The following DUSP22 variants were observed in gnomAD, a reference collection of about 807,000 sequenced individuals.
The protein encoded by DUSP22 is dual specificity phosphatase 22.
DUSP22 carries 24 observed loss-of-function variants against 24.5 expected under a neutral mutation model. The observed-to-expected ratio is 0.98, with a 90% CI of 0.71 to 1.38. DUSP22 has a LOEUF of 1.38. DUSP22 is among the 40% of genes most tolerant of loss of function. DUSP22 has a pLI of 0.00. For missense variants in DUSP22, 330 were observed against 269.2 expected, an observed-to-expected ratio of 1.23 and a Z score of -1.58; for synonymous variants, 160 against 106.4, an observed-to-expected ratio of 1.50 and a Z score of -3.10.
At chr6:303,668 G>A (rs1035240196) in intron 1 of DUSP22, among the ~76,000 whole-genome samples, 7 of 152,306 alleles carry the variant, frequency 4.6e-5, no homozygotes, top group East Asian at 3.8e-4. Context: ...CTTGGAAATC[G>A]TGGCAAGTGA....
intron 2 of DUSP22, among the ~76,000 whole-genome samples, chr6:305,440 A>G (rs1389618922): frequency 3.3e-5 from 5 of 152,306 alleles, no homozygotes; most frequent in South Asian, 2.1e-4. Context: ...TTTAGTTACT[A>G]TTGAGAAATT....
chr6:349,449 G>A lies in DUSP22; in HGVS notation c.*498G>A. 1 of 1,005,992 alleles carries A rather than the reference G, an allele frequency of 9.9e-7. No individual in the cohort carries two copies. The highest frequency in any genetic ancestry group is 1.7e-5 in the African/African-American group (1 of 57,854). 62.3% of individuals were successfully genotyped at this position (1,005,992 alleles called of 1,614,324 possible). On this transcript the variant is annotated 3_prime_UTR_variant, in exon 7 of 7. Coordinates refer to ENST00000419235, the MANE Select transcript of DUSP22 (RefSeq NM_001286555.3). ...AAGACTCCACATGGAAGGCATTTGA[G>A]CTCGACCTCCGAAAAGCTACCCAGC...
rs1324004901 is a variant in DUSP22, at chr6:349,812, T to C, written c.*861T>C. 2.0e-6 allele frequency: 2 copies of C among 985,804 alleles called. No homozygotes were observed. The highest frequency in any genetic ancestry group is 3.5e-5 in the African/African-American group (2 of 57,282). The allele number at this position is 985,804 out of a possible 1,614,324, so 61.1% of individuals were successfully genotyped here. ...TGAGTTCTACTTGGTGTTTGTTCTC[T>C]GGAGCTGATTGCACTTGAGCTCTGT... On this transcript the variant is annotated 3_prime_UTR_variant, in exon 7 of 7. Transcript: ENST00000419235.
chr6:332,095 A>G (rs1176224613), intron 3 of DUSP22, among the ~76,000 whole-genome samples: 1 of 152,298 alleles, frequency 6.6e-6, no homozygotes, highest in African/African-American at 2.4e-5. Context: ...CATTGTTCTC[A>G]TCCTCTGTCT....
chr6:315,183 A>C (rs1257452442), intron 3 of DUSP22, among the ~76,000 whole-genome samples: 1 of 152,304 alleles, frequency 6.6e-6, no homozygotes, highest in Non-Finnish European at 1.5e-5. Context: ...ACCTTCCAGA[A>C]TGAAGATCTT....
intron 3 of DUSP22, among the ~76,000 whole-genome samples, chr6:317,996 G>C (rs1218961175): frequency 6.6e-6 from 1 of 152,306 alleles, no homozygotes; most frequent in East Asian, 1.9e-4. Flanking sequence ...TGTGAAGCCA[G>C]AGGATCGGTT....
intron 3 of DUSP22, among the ~76,000 whole-genome samples, chr6:322,838 G>T (rs3778600): frequency 0.1 from 15,311 of 147,590 alleles, 213 homozygotes; most frequent in East Asian, 0.32. Flanking sequence ...GGTGGGGCGG[G>T]GGGGGGCCTT....
intron 1 of DUSP22, among the ~76,000 whole-genome samples, chr6:295,885 C>G (rs1283794740): frequency 1.3e-5 from 2 of 152,100 alleles, no homozygotes; most frequent in African/African-American, 4.8e-5. Context: ...TCACGGTAGC[C>G]CTATGAGGTC....
chr6:348,136 G>C lies in DUSP22; in HGVS notation c.297G>C (p.Val99=). The change falls in exon 6 of 7, where the codon GTG becomes GTC. Residue 99 remains valine (V), a synonymous_variant. Coordinates refer to ENST00000419235, the MANE Select transcript of DUSP22 (RefSeq NM_001286555.3). ...GGGTCTCCAGGAGCGTGACACTGGTGATCGCATACATCATGACCGTCACTG... is the reference window on the plus strand; with the variant it reads ...GGGTCTCCAGGAGCGTGACACTGGTCATCGCATACATCATGACCGTCACTG... The part of the protein sequence containing the change: ...LAGVSRSVTL[V]IAYIMTVTDF... 1 of 1,614,296 alleles carries C rather than the reference G, an allele frequency of 6.2e-7. No homozygotes were observed.
At chr6:343,173 C>T (rs1299650723) in intron 4 of DUSP22, among the ~76,000 whole-genome samples, 1 of 152,308 alleles carries the variant, frequency 6.6e-6, no homozygotes, top group Non-Finnish European at 1.5e-5. Flanking sequence ...CACCTTATTA[C>T]ATCTGGGTGC....
intron 3 of DUSP22, among the ~76,000 whole-genome samples, chr6:333,595 A>G (rs1329406730): frequency 6.6e-6 from 1 of 152,306 alleles, no homozygotes; most frequent in Non-Finnish European, 1.5e-5. Context: ...AGCAGGAAAC[A>G]GCTTTTACTA....
At chr6:338,941 T>C (rs1759478420) in intron 4 of DUSP22, among the ~76,000 whole-genome samples, 1 of 152,310 alleles carries the variant, frequency 6.6e-6, no homozygotes. Context: ...GCCTCTATCC[T>C]CTCAAATCTC....
intron 2 of DUSP22, among the ~76,000 whole-genome samples, chr6:310,554 T>C (rs956811519): frequency 3.9e-5 from 6 of 152,306 alleles, no homozygotes; most frequent in South Asian, 2.1e-4. Context: ...GTTTCATTTT[T>C]TAATTGTGCT....
At chr6:293,869 T>C (rs1757206665) in intron 1 of DUSP22, among the ~76,000 whole-genome samples, 2 of 151,696 alleles carry the variant, frequency 1.3e-5, no homozygotes, top group South Asian at 4.2e-4. Context: ...GATAAATACT[T>C]GTATTATATT....
intron 1 of DUSP22, among the ~76,000 whole-genome samples, chr6:302,256 C>T (rs1350252893): frequency 2.0e-5 from 3 of 152,310 alleles, no homozygotes; most frequent in African/African-American, 7.2e-5. Flanking sequence ...TCGTCTTCCT[C>T]ACAGCCCCAC....
chr6:292,825 C>A (rs1757152969), intron 1 of DUSP22, among the ~76,000 whole-genome samples: 1 of 152,286 alleles, frequency 6.6e-6, no homozygotes, highest in African/African-American at 2.4e-5. Flanking sequence ...AAACAAGCCG[C>A]GCCCTTTGAA....
chr6:294,703 A>G (rs1438530048), intron 1 of DUSP22, among the ~76,000 whole-genome samples: 1 of 152,290 alleles, frequency 6.6e-6, no homozygotes, highest in Non-Finnish European at 1.5e-5. Context: ...CTCATTTTGG[A>G]CTAGCCACAT....
intron 4 of DUSP22, 103 bp downstream of exon 4, chr6:335,266 G>A: frequency 1.4e-6 from 2 of 1,415,014 alleles, no homozygotes; most frequent in East Asian, 2.3e-5. Flanking sequence ...GAGCTCACGG[G>A]ACCCTTGCTG....
intron 5 of DUSP22, among the ~76,000 whole-genome samples, chr6:347,868 A>G (rs1199973307): frequency 6.6e-6 from 1 of 152,304 alleles, no homozygotes; most frequent in Non-Finnish European, 1.5e-5. Context: ...TAGAAAACCA[A>G]TAAAAGAAGC....
Sources: allele counts gnomAD v4.1 joint callset (sites outside exome capture counted in the v4.1 genomes callset), GRCh38; gene constraint gnomAD v4.1.1; transcripts MANE v1.5; gene names NCBI Gene and HGNC (gene_info 2026-07-23, HGNC 2026-07-21).